Variants in ELFN2 observed in about 807,000 individuals in gnomAD.
ELFN2 encodes the protein extracellular leucine rich repeat and fibronectin type III domain containing 2.
In ELFN2, 17 loss-of-function variants were observed where a neutral mutation model predicts 45.5. That is an observed-to-expected ratio of 0.37 (90% confidence interval 0.26 to 0.56). The LOEUF (loss-of-function observed/expected upper bound fraction) is 0.56, where lower values mean the gene tolerates loss of function less well. Ranked by LOEUF, ELFN2 falls within the 20% of genes least tolerant of loss-of-function variation. The probability of loss-of-function intolerance (pLI) is 0.77; values close to 1 mark genes in which losing one functional copy is unlikely to be tolerated. For synonymous variants in ELFN2, 550 were observed against 551.5 expected, an observed-to-expected ratio of 1.00 and a Z score of 0.04; for missense variants, 922 against 1,183.2, an observed-to-expected ratio of 0.78 and a Z score of 3.24.
At chr22:37,422,943 C>CGGGG (rs67054331) in intron 1 of ELFN2, among the ~76,000 whole-genome samples, 1 of 29,270 alleles carries the variant, frequency 3.4e-5, no homozygotes, top group Non-Finnish European at 9.9e-5. Flanking sequence ...AACTGGGCCT[C>CGGGG]GGGGGGGGGG....
At chr22:37,422,955 G>A (rs571063351) in intron 1 of ELFN2, among the ~76,000 whole-genome samples, 6 of 145,426 alleles carry the variant, frequency 4.1e-5, no homozygotes, top group Non-Finnish European at 7.5e-5. Context: ...GGGGGGGGGG[G>A]GGAAGTGACT....
intron 2 of ELFN2, among the ~76,000 whole-genome samples, chr22:37,393,676 T>C (rs77028677): frequency 0.032 from 4,796 of 152,132 alleles, 255 homozygotes; most frequent in African/African-American, 0.11. Context: ...GGTCAAGTCA[T>C]CTCCCTAAGC....
intron 1 of ELFN2, among the ~76,000 whole-genome samples, chr22:37,351,586 C>T (rs141025775): frequency 6.7e-5 from 10 of 149,954 alleles, no homozygotes; most frequent in East Asian, 3.9e-4. Flanking sequence ...GCGTCCCCCC[C>T]ACCCTCTCGA....
intron 1 of ELFN2, among the ~76,000 whole-genome samples, chr22:37,361,737 A>G (rs1445569361): frequency 1.3e-5 from 2 of 152,092 alleles, no homozygotes; most frequent in Non-Finnish European, 2.9e-5. Flanking sequence ...AAAGTTCTCC[A>G]TTCAGCTAAC....
intron 2 of ELFN2, among the ~76,000 whole-genome samples, chr22:37,405,803 C>T (rs1203260907): frequency 6.7e-6 from 1 of 150,258 alleles, no homozygotes; most frequent in Non-Finnish European, 1.5e-5. Context: ...TTCTCTGAGC[C>T]CCAGGTTCCT....
chr22:37,344,660 T>A (rs1930653094), intron 1 of ELFN2, among the ~76,000 whole-genome samples: 1 of 152,116 alleles, frequency 6.6e-6, no homozygotes, highest in Admixed American at 6.5e-5. Context: ...TCTACCCCCC[T>A]TCCACAAGAG....
intron 2 of ELFN2, among the ~76,000 whole-genome samples, chr22:37,406,083 A>G (rs1932494139): frequency 6.6e-6 from 1 of 152,154 alleles, no homozygotes; most frequent in Non-Finnish European, 1.5e-5. Context: ...TTGAGGCTGC[A>G]ATGAGCCACG....
In ELFN2 at chr22:37,375,822, G is replaced by T. The variant is rs1931564295; in HGVS notation, c.-288C>A. 4 of 472,322 alleles carry T rather than the reference G, an allele frequency of 8.5e-6. No individual in the cohort carries two copies. The highest frequency in any genetic ancestry group is 7.8e-5 in the South Asian group (2 of 25,618). The allele number at this position is 472,322 out of a possible 1,614,324, so 29.3% of individuals were successfully genotyped here. On this transcript the variant is annotated 5_prime_UTR_variant, in exon 3 of 3. Coordinates refer to ENST00000402918, the MANE Select transcript of ELFN2 (RefSeq NM_052906.5). ...CTAGGAAGGTGCAAGGGTTCTCAGGGCTTGACTTCCTCTCCCTCCTCCTCC... is the reference window on the plus strand; with the variant it reads ...CTAGGAAGGTGCAAGGGTTCTCAGGTCTTGACTTCCTCTCCCTCCTCCTCC...
intron 1 of ELFN2, among the ~76,000 whole-genome samples, chr22:37,361,613 T>C (rs1247864703): frequency 6.6e-6 from 1 of 152,068 alleles, no homozygotes; most frequent in African/African-American, 2.4e-5. Context: ...TCCCACACCA[T>C]CTGACTTCTA....
At chr22:37,361,752 T>G (rs558589383) in intron 1 of ELFN2, among the ~76,000 whole-genome samples, 13 of 152,202 alleles carry the variant, frequency 8.5e-5, no homozygotes, top group South Asian at 6.2e-4. Flanking sequence ...GCTAACAAAC[T>G]GTTAGAATAT....
intron 2 of ELFN2, among the ~76,000 whole-genome samples, chr22:37,410,908 C>T (rs887577968): frequency 1.1e-4 from 16 of 152,200 alleles, no homozygotes; most frequent in African/African-American, 3.6e-4. Context: ...ATTTCCTGAC[C>T]TAGCACCCAG....
intron 1 of ELFN2, among the ~76,000 whole-genome samples, chr22:37,420,899 G>A (rs133731): frequency 0.28 from 42,140 of 152,070 alleles, 6,915 homozygotes; most frequent in Non-Finnish European, 0.37. Flanking sequence ...TGCTGGCTCC[G>A]GAGGGTTCTG....
intron 2 of ELFN2, among the ~76,000 whole-genome samples, chr22:37,395,518 C>G (rs1932192701): frequency 6.6e-6 from 1 of 152,214 alleles, no homozygotes; most frequent in Non-Finnish European, 1.5e-5. Flanking sequence ...GTTGTCCCCT[C>G]TAGCTCTGCC....
chr22:37,379,218 A>G (rs968745), intron 2 of ELFN2, among the ~76,000 whole-genome samples: 106,554 of 152,076 alleles, frequency 0.7, 37,533 homozygotes, highest in Admixed American at 0.8. Context: ...TGGGGGGCGC[A>G]GGGGACACGG....
At chr22:37,406,999 G>A (rs998627381) in intron 2 of ELFN2, among the ~76,000 whole-genome samples, 7 of 152,268 alleles carry the variant, frequency 4.6e-5, no homozygotes, top group Non-Finnish European at 1.0e-4. Context: ...AGGTGCCCCA[G>A]TAGGCATGCA....
chr22:37,379,210 G>C (rs1026418226), intron 2 of ELFN2, among the ~76,000 whole-genome samples: 3 of 152,180 alleles, frequency 2.0e-5, no homozygotes, highest in African/African-American at 4.8e-5. Context: ...ATGATAGATG[G>C]GGGGCGCAGG....
rs1491573989 is a variant in ELFN2 at position 37,405,089 on chromosome 22, C to CTTTTTTTT, written c.-463+12679_-463+12680insAAAAAAAA. Among the ~76,000 whole-genome samples the CTTTTTTTT allele has an allele frequency of 2.7e-4, 33 of 121,532 alleles. 4 individuals carry two copies. Among genetic ancestry groups the CTTTTTTTT allele is most frequent in the Non-Finnish European group, 2.9e-4 (18 of 61,026 alleles). 79.7% of individuals were successfully genotyped at this position (121,532 alleles called of 152,430 possible). On this transcript the variant is annotated intron_variant, in intron 2 of 2. Coordinates refer to ENST00000402918, the MANE Select transcript of ELFN2 (RefSeq NM_052906.5). ...GGCCCCTCACCTCCCTGAACCTCAG[C>CTTTTTTTT]ATTTTTTTTTTTTTTTTTTTTTTGA...
At chr22:37,389,139 G>A (rs934208248) in intron 2 of ELFN2, among the ~76,000 whole-genome samples, 1 of 152,140 alleles carries the variant, frequency 6.6e-6, no homozygotes, top group African/African-American at 2.4e-5. Flanking sequence ...TGCTGCCAAG[G>A]CCACATGGCT....
At chr22:37,426,065 G>A (rs557622881) in intron 1 of ELFN2, among the ~76,000 whole-genome samples, 2 of 151,834 alleles carry the variant, frequency 1.3e-5, no homozygotes, top group Non-Finnish European at 2.9e-5. Context: ...AGCGACAGCC[G>A]CAGCCCAGAC....
Sources: gnomAD v4.1 joint callset for allele counts (sites outside exome capture counted in the v4.1 genomes callset) on GRCh38, gnomAD v4.1.1 for gene constraint, MANE v1.5 for transcripts, NCBI Gene and HGNC (gene_info 2026-07-23, HGNC 2026-07-21) for gene names.